BAHCC1: variants seen among roughly 807,000 people sequenced by gnomAD.
BAHCC1 encodes the protein BAH domain and coiled-coil containing 1.
In BAHCC1, 43 loss-of-function variants were observed where a neutral mutation model predicts 88.2. The observed-to-expected ratio is 0.49, with a 90% CI of 0.38 to 0.63. BAHCC1 has a LOEUF of 0.63. Ranked by LOEUF, BAHCC1 falls within the 20% of genes least tolerant of loss-of-function variation. The pLI is 0.00. For missense variants in BAHCC1, 3,023 were observed against 1,654.8 expected (o/e 1.83, Z -14.34); for synonymous variants, 1,510 against 745.5 (o/e 2.03, Z -16.71).
At chr17:81,397,398 A>G in intron 1 of BAHCC1, among the ~76,000 whole-genome samples, 1 of 149,138 alleles carries the variant, frequency 6.7e-6, no homozygotes, top group Non-Finnish European at 1.5e-5. Context: ...TTGGAGAGAA[A>G]AAAAAAAAAA....
At chr17:81,407,227 A>G (rs1555647055) in intron 2 of BAHCC1, 2 of 444,374 alleles carry the variant, frequency 4.5e-6, no homozygotes, top group Admixed American at 2.5e-5. Flanking sequence ...TGTGCTTCCA[A>G]TAGGGTCCTC....
chr17:81,413,214 G>GCC, intron 2 of BAHCC1: 3 of 298,920 alleles, frequency 1.0e-5, no homozygotes, highest in Non-Finnish European at 2.0e-5. Context: ...TGCTGACCAT[G>GCC]CCCCCCCCGG....
At chr17:81,451,338 C>G (rs1338997178) in intron 11 of BAHCC1, 3 of 292,646 alleles carry the variant, frequency 1.0e-5, no homozygotes, top group Admixed American at 5.0e-5. Flanking sequence ...GGTGGGGGGA[C>G]ACACAGGCGT....
At chr17:81,446,065 A>G (rs2064521074) in intron 10 of BAHCC1, among the ~76,000 whole-genome samples, 3 of 144,792 alleles carry the variant, frequency 2.1e-5, no homozygotes, top group Non-Finnish European at 3.0e-5. Context: ...TGGGAGAGGG[A>G]GGGGCAGCGA....
Position 81,458,622 on chromosome 17 carries a change from G to A in BAHCC1, c.5345G>A (p.Arg1782Gln), listed in dbSNP as rs782474675. 57 of 712,550 alleles carry A rather than the reference G, an allele frequency of 8.0e-5. No homozygotes were observed. Among genetic ancestry groups the A allele is most frequent in the East Asian group, 6.7e-4 (25 of 37,242 alleles). 44.1% of individuals were successfully genotyped at this position (712,550 alleles called of 1,614,324 possible). A position where few individuals can be genotyped will look rare whatever the true frequency, so the allele number is the denominator to read the frequency against. Residue 1782 changes from arginine to glutamine, a missense_variant and splice_region_variant, in exon 19 of 28, where the codon CGG (arginine) becomes CAG (glutamine). Coordinates refer to ENST00000675386, the MANE Select transcript of BAHCC1 (RefSeq NM_001377448.1). ...CCTTCTCTGCCTGCCCACGCGCAGC[G>A]GAAGAACGGGGCCCTGTCCATCACG... ...KGTVLQPVLR[R>Q]KNGALSITLA...
rs2064128123 is a variant in BAHCC1 at position 81,422,560 on chromosome 17, C to T, written c.179-4240C>T. Among the ~76,000 whole-genome samples the T allele has an allele frequency of 2.6e-5, 4 of 152,172 alleles. 1 individual carries two copies. The South Asian group carries it at 8.3e-4, about 31-fold the overall frequency. ...GCCCCCATCCCCTTCCCTCTCATTC[C>T]CCAGACTGTGGGGCCGGGGACCCTT... On this transcript the variant is annotated intron_variant, in intron 2 of 27. Transcript: ENST00000675386.
At chr17:81,408,339 G>T (rs539605455) in intron 2 of BAHCC1, among the ~76,000 whole-genome samples, 1 of 152,056 alleles carries the variant, frequency 6.6e-6, no homozygotes, top group Non-Finnish European at 1.5e-5. Flanking sequence ...AGGCCTCTGC[G>T]CCTGGGGTCC....
chr17:81,398,361 G>A (rs1168246967), intron 1 of BAHCC1, among the ~76,000 whole-genome samples: 5 of 152,214 alleles, frequency 3.3e-5, no homozygotes, highest in African/African-American at 1.2e-4. Context: ...GAAGAAAATG[G>A]AGGTGAGGGT....
chr17:81,425,670 G>T (rs1490434161), intron 2 of BAHCC1, among the ~76,000 whole-genome samples: 59 of 6,276 alleles, frequency 9.4e-3, no homozygotes, highest in South Asian at 0.015. Context: ...GGTTGGTGGT[G>T]ATGGTGGGTG....
chr17:81,448,483 T>C (rs766078151), intron 11 of BAHCC1, among the ~76,000 whole-genome samples: 6 of 152,130 alleles, frequency 3.9e-5, no homozygotes, highest in Non-Finnish European at 7.4e-5. Flanking sequence ...CTCCCTGCGG[T>C]CCAGTGCTCC....
intron 3 of BAHCC1, among the ~76,000 whole-genome samples, chr17:81,437,191 G>C (rs1472190323): frequency 6.6e-6 from 1 of 152,246 alleles, no homozygotes; most frequent in Non-Finnish European, 1.5e-5. Context: ...ATTCCGGCAG[G>C]TTGAAGCTGT....
intron 4 of BAHCC1, 102 bp downstream of exon 4, chr17:81,438,594 C>T: frequency 2.9e-6 from 2 of 688,774 alleles, no homozygotes; most frequent in Non-Finnish European, 5.4e-6. Flanking sequence ...CTAGGTTAGC[C>T]CTCCCACCAG....
In BAHCC1 at chr17:81,456,486, G is replaced by A. The variant is rs1367605943; in HGVS notation, c.4759G>A (p.Val1587Met). The stretch of plus-strand genomic sequence containing the variant: ...GCTGTCCCGAGCCAAGAGTGCCAAG[G>A]TGTCTGGGGCCACACGGCACCCACA... ...EKLSRAKSAK[V>M]SGATRHPQPK... is the part of the protein sequence containing the mutation. Residue 1587 changes from valine (V) to methionine (M), a missense_variant, in exon 16 of 28, where the codon GTG (valine) becomes ATG (methionine). Val to Met is a conservative substitution (Grantham distance 21, BLOSUM62 1). Coordinates refer to ENST00000675386, the MANE Select transcript of BAHCC1 (RefSeq NM_001377448.1). 15 of 720,210 alleles carry A rather than the reference G, an allele frequency of 2.1e-5. No homozygotes were observed. The highest frequency in any genetic ancestry group is 3.1e-5 in the Non-Finnish European group (12 of 386,984). The allele number at this position is 720,210 out of a possible 1,614,324, so 44.6% of individuals were successfully genotyped here. A position where few individuals can be genotyped will look rare whatever the true frequency, so the allele number is the denominator to read the frequency against.
intron 2 of BAHCC1, among the ~76,000 whole-genome samples, chr17:81,404,036 C>T (rs1230936458): frequency 6.6e-6 from 1 of 152,212 alleles, no homozygotes; most frequent in African/African-American, 2.4e-5. Context: ...AGCACATCTC[C>T]CCTGGAAAAC....
rs2030580549 is a variant in BAHCC1, at chr17:81,464,709, A to G, written c.*892A>G. ...TAAGAAAAAGCAATGTTTGGATTGT[A>G]TCTGCTGAATCATATTCCAACCTAT... On this transcript the variant is annotated 3_prime_UTR_variant, in exon 28 of 28. Coordinates refer to ENST00000675386, the MANE Select transcript of BAHCC1 (RefSeq NM_001377448.1). The G allele has an allele frequency of 6.6e-6, 1 of 152,564 alleles. No homozygotes were observed. The highest frequency in any genetic ancestry group is 2.1e-4 in the South Asian group (1 of 4,836). 9.5% of individuals were successfully genotyped at this position (152,564 alleles called of 1,614,324 possible).
intron 10 of BAHCC1, chr17:81,446,830 G>A (rs2064537181): frequency 2.9e-6 from 2 of 682,482 alleles, no homozygotes; most frequent in Non-Finnish European, 5.4e-6. Flanking sequence ...TGGGATTACA[G>A]GTGTGAGCTA....
chr17:81,405,393 T>C (rs969353811), intron 2 of BAHCC1, among the ~76,000 whole-genome samples: 9 of 152,102 alleles, frequency 5.9e-5, no homozygotes, highest in Non-Finnish European at 1.2e-4. Context: ...CAGCAGATGT[T>C]TATATATAGC....
At chr17:81,418,061 G>C (rs949634981) in intron 2 of BAHCC1, among the ~76,000 whole-genome samples, 1 of 152,252 alleles carries the variant, frequency 6.6e-6, no homozygotes, top group Non-Finnish European at 1.5e-5. Flanking sequence ...GGTGGCCCCA[G>C]GGGGCCAAGG....
At position 81,434,769 on chromosome 17, in the gene BAHCC1, C is replaced by G. The variant is rs1398318252; in HGVS notation, c.359-3601C>G. On this transcript the variant is annotated intron_variant, in intron 3 of 27. Coordinates refer to ENST00000675386, the MANE Select transcript of BAHCC1 (RefSeq NM_001377448.1). The surrounding 1 kb of genome is among the most constrained non-coding windows in gnomAD (Gnocchi z 4.9). Reference sequence around the variant, plus strand: ...TGGGGGGTGGGTTGTGGCCACCTCCCCAGATCTGGCAAGAGGAGGAAGGCG... The same window carrying G: ...TGGGGGGTGGGTTGTGGCCACCTCCGCAGATCTGGCAAGAGGAGGAAGGCG... Among the ~76,000 whole-genome samples the G allele has an allele frequency of 6.6e-6, 1 of 151,988 alleles. No individual in the cohort carries two copies. Among genetic ancestry groups the G allele is most frequent in the Non-Finnish European group, 1.5e-5 (1 of 67,960 alleles).
Sources: gnomAD v4.1 joint callset for allele counts (sites outside exome capture counted in the v4.1 genomes callset) on GRCh38, gnomAD v4.1.1 for gene constraint, Gnocchi (gnomAD v3.1) non-coding constraint, MANE v1.5 for transcripts, NCBI Gene and HGNC (gene_info 2026-07-23, HGNC 2026-07-21) for gene names.